The following DLG2 variants were observed in gnomAD, a reference collection of about 807,000 sequenced individuals.
The protein encoded by DLG2 is discs large MAGUK scaffold protein 2.
In DLG2, 45 loss-of-function variants were observed where a neutral mutation model predicts 132.5. The ratio of observed to expected loss-of-function variants is 0.34; its 90% CI spans 0.27 to 0.44. The LOEUF (loss-of-function observed/expected upper bound fraction) is 0.44. Among genes scored for constraint, DLG2 ranks in the 20% least tolerant of loss-of-function variants. The pLI, the probability that DLG2 is intolerant of heterozygous loss-of-function variation, is 1.00. For missense variants in DLG2, 1,045 were observed against 1,196.9 expected (o/e 0.87, Z 1.87); for synonymous variants, 424 against 419.6 (o/e 1.01, Z -0.13).
intron 11 of DLG2, among the ~76,000 whole-genome samples, chr11:84,051,875 A>G (rs10792712): frequency 0.87 from 132,532 of 151,786 alleles, 58,118 homozygotes; most frequent in Middle Eastern, 0.93. Context: ...CAAAAGGTAT[A>G]TGCCTGATTT....
intron 3 of DLG2, among the ~76,000 whole-genome samples, chr11:85,544,039 G>A (rs1397257527): frequency 1.3e-5 from 2 of 152,124 alleles, no homozygotes; most frequent in Non-Finnish European, 2.9e-5. Context: ...GCTGCTTTTG[G>A]TGTTTTAGTC....
chr11:84,291,933 T>C (rs896788994), intron 7 of DLG2, among the ~76,000 whole-genome samples: 4 of 152,170 alleles, frequency 2.6e-5, no homozygotes, highest in Non-Finnish European at 4.4e-5. Context: ...CCCCTCTATT[T>C]ATCAAATGCT....
chr11:85,468,397 T>C (rs1170926274), intron 3 of DLG2, among the ~76,000 whole-genome samples: 1 of 152,206 alleles, frequency 6.6e-6, no homozygotes, highest in Non-Finnish European at 1.5e-5. Context: ...CTTTTAATTG[T>C]GATGTTCGGG....
At chr11:84,449,698 G>C (rs1232032309) in intron 7 of DLG2, among the ~76,000 whole-genome samples, 1 of 151,580 alleles carries the variant, frequency 6.6e-6, no homozygotes, top group Non-Finnish European at 1.5e-5. Flanking sequence ...CTTTATTGTT[G>C]TTTACTTATG....
In DLG2 at chr11:85,411,354, C is replaced by A. The variant is rs1597079632; in HGVS notation, c.41-125989G>T. ...ATTTAGCTAGACTCCAAGACACTTA[C>A]AAAAGTAGTCTATGAGTCTCTTGCA... On this transcript the variant is annotated intron_variant, in intron 3 of 27. Transcript: ENST00000376104. 4.6e-5 allele frequency among the ~76,000 whole-genome samples: 7 copies of A among 151,902 alleles called. No homozygotes were observed. The South Asian group carries it at 1.5e-3, about 31-fold the overall frequency.
At chr11:83,802,609 A>C (rs1454918697) in intron 17 of DLG2, among the ~76,000 whole-genome samples, 1 of 152,150 alleles carries the variant, frequency 6.6e-6, no homozygotes, top group Non-Finnish European at 1.5e-5. Context: ...TCTACTGTTA[A>C]AACACTATCA....
At chr11:85,381,272 T>C (rs950375957) in intron 3 of DLG2, among the ~76,000 whole-genome samples, 18 of 152,188 alleles carry the variant, frequency 1.2e-4, no homozygotes, top group African/African-American at 4.3e-4. Context: ...AGTTTCCTAA[T>C]ATTTGTATGT....
chr11:83,941,662 G>A (rs987554768), intron 14 of DLG2, among the ~76,000 whole-genome samples: 6 of 152,060 alleles, frequency 3.9e-5, no homozygotes, highest in Admixed American at 6.6e-5. Context: ...CCCAAGTGAT[G>A]GGATGACAGG....
At chr11:84,166,500 CAAAAAAAAAAAAA>C (rs398016937) in intron 8 of DLG2, among the ~76,000 whole-genome samples, 1 of 81,040 alleles carries the variant, frequency 1.2e-5, no homozygotes, top group Admixed American at 1.7e-4. Flanking sequence ...GACTCTGCTT[CAAAAAAAAAAAAA>C]AAAAAAAGAA....
chr11:83,534,884 A>G (rs569207678), intron 20 of DLG2, among the ~76,000 whole-genome samples: 5 of 152,368 alleles, frequency 3.3e-5, no homozygotes, highest in South Asian at 4.1e-4. Flanking sequence ...TGGAGGTTGC[A>G]GTGAGCCTAG....
At chr11:85,265,008 G>A (rs1432324182) in intron 4 of DLG2, among the ~76,000 whole-genome samples, 1 of 152,132 alleles carries the variant, frequency 6.6e-6, no homozygotes, top group Admixed American at 6.5e-5. Flanking sequence ...GTAGCTCCTA[G>A]TAAAAACCAG....
rs559015465 is a variant in DLG2, at chr11:83,976,677, A to T, written c.1056+3829T>A. 3.3e-5 allele frequency among the ~76,000 whole-genome samples: 5 copies of T among 152,058 alleles called. No homozygotes were observed. In the East Asian group the frequency reaches 9.7e-4, roughly 29 times the overall value. On this transcript the variant is annotated intron_variant, in intron 12 of 27. Transcript: ENST00000376104. ...TCATTTTCTTTCATTTCCAGTTTCA[A>T]CTTGGAAGTACTAATTCTGTCTTCC...
rs893822954 is a variant in DLG2 at position 84,626,667 on chromosome 11, AG to A, written c.358-91937del. On this transcript the variant is annotated intron_variant, in intron 6 of 27. Transcript: ENST00000376104. Reference sequence around the variant, plus strand: ...TAAAATCAGCAACAAGGCTGAAGGTAGGGAAACACAAAGTTAGCTCTGCACT... The same window carrying A: ...TAAAATCAGCAACAAGGCTGAAGGTAGGAAACACAAAGTTAGCTCTGCACT... Among the ~76,000 whole-genome samples, 306 of 152,264 alleles carry A rather than the reference AG, an allele frequency of 2.0e-3. 1 individual carries two copies. Among genetic ancestry groups the A allele is most frequent in the African/African-American group, 7.2e-3 (299 of 41,556 alleles).
intron 6 of DLG2, among the ~76,000 whole-genome samples, chr11:84,818,026 T>C (rs1365804172): frequency 3.3e-5 from 5 of 151,992 alleles, no homozygotes; most frequent in Admixed American, 1.3e-4. Flanking sequence ...AAACAGATGA[T>C]GAATATATGA....
chr11:85,233,416 G>A (rs537881379), intron 4 of DLG2, among the ~76,000 whole-genome samples: 1 of 151,908 alleles, frequency 6.6e-6, no homozygotes, highest in East Asian at 1.9e-4. Flanking sequence ...TTTTCACAGA[G>A]TCAGCCTCAC....
intron 7 of DLG2, among the ~76,000 whole-genome samples, chr11:84,323,704 T>C (rs889257343): frequency 2.6e-5 from 4 of 151,172 alleles, no homozygotes; most frequent in African/African-American, 9.7e-5. Context: ...CAACATTTTT[T>C]TTGCTTTCTT....
chr11:84,019,619 T>C (rs2095329684), intron 11 of DLG2, among the ~76,000 whole-genome samples: 2 of 152,138 alleles, frequency 1.3e-5, no homozygotes, highest in Non-Finnish European at 2.9e-5. Context: ...TATGTTAAGA[T>C]GAAGTTATTA....
chr11:84,342,776 A>G (rs185555295), intron 7 of DLG2, among the ~76,000 whole-genome samples: 2 of 152,332 alleles, frequency 1.3e-5, no homozygotes, highest in East Asian at 3.9e-4. Context: ...GGGAACACCA[A>G]CACCAAACAT....
intron 19 of DLG2, among the ~76,000 whole-genome samples, chr11:83,616,273 T>C (rs142919165): frequency 6.6e-6 from 1 of 152,326 alleles, no homozygotes; most frequent in Non-Finnish European, 1.5e-5. Context: ...GGATAGATCA[T>C]AGGGTATATG....
Sources: allele counts gnomAD v4.1 joint callset (sites outside exome capture counted in the v4.1 genomes callset), GRCh38; gene constraint gnomAD v4.1.1; transcripts MANE v1.5; gene names NCBI Gene and HGNC (gene_info 2026-07-23, HGNC 2026-07-21).